Variants in POF1B observed in about 807,000 individuals in gnomAD.
The protein encoded by POF1B is POF1B actin binding protein, also known as protein POF1B.
Under a neutral mutation model 55.3 loss-of-function variants are expected in POF1B, and 53 were observed. The ratio of observed to expected loss-of-function variants is 0.96; its 90% CI spans 0.77 to 1.20. POF1B has a LOEUF of 1.20. Ranked by LOEUF, POF1B falls within the 50% of genes most tolerant of loss-of-function variation. The pLI is 0.00. For synonymous variants in POF1B, 188 were observed against 148.3 expected, an observed-to-expected ratio of 1.27 and a Z score of -1.95; for missense variants, 478 against 420.5, an observed-to-expected ratio of 1.14 and a Z score of -1.20.
At chrX:85,374,459 C>T (rs781553554) in intron 2 of POF1B, among the ~76,000 whole-genome samples, 9 of 112,188 alleles carry the variant, frequency 8.0e-5, no homozygotes, top group African/African-American at 1.9e-4. Flanking sequence ...ATATTACATA[C>T]GTAGTGCAGG....
chrX:85,298,576 C>T (rs1283679146), intron 15 of POF1B, among the ~76,000 whole-genome samples: 2 of 111,676 alleles, frequency 1.8e-5, no homozygotes, highest in Non-Finnish European at 3.8e-5. Context: ...AGTGTTTTCT[C>T]TCCAAAGATC....
intron 5 of POF1B, among the ~76,000 whole-genome samples, chrX:85,349,585 A>G (rs906406361): frequency 5.4e-5 from 6 of 110,992 alleles, no homozygotes; most frequent in Non-Finnish European, 1.1e-4. Context: ...AGAAACAAAC[A>G]TGCACAGAGG....
intron 7 of POF1B, among the ~76,000 whole-genome samples, chrX:85,326,489 G>A (rs1225780448): frequency 9.1e-6 from 1 of 110,231 alleles, no homozygotes; most frequent in African/African-American, 3.3e-5. Context: ...GCAAGTGCGG[G>A]GCGCTGGTGG....
At chrX:85,298,491 T>C (rs1262820180) in intron 15 of POF1B, among the ~76,000 whole-genome samples, 2 of 111,865 alleles carry the variant, frequency 1.8e-5, no homozygotes, top group African/African-American at 6.5e-5. Flanking sequence ...CTAATCCTGG[T>C]GCTTGGCACA....
At chrX:85,302,576 G>A (rs936027613) in intron 15 of POF1B, among the ~76,000 whole-genome samples, 1 of 111,043 alleles carries the variant, frequency 9.0e-6, no homozygotes, top group Non-Finnish European at 1.9e-5. Flanking sequence ...TCCACTCCTA[G>A]GTATATACTC....
intron 7 of POF1B, among the ~76,000 whole-genome samples, chrX:85,323,438 A>C (rs1932861541): frequency 1.0e-5 from 1 of 95,951 alleles, no homozygotes; most frequent in African/African-American, 3.9e-5. Context: ...CACTCTGGGG[A>C]CTGTTGTGGG....
chrX:85,315,282 G>A (rs1042315823), intron 8 of POF1B, among the ~76,000 whole-genome samples: 1 of 111,002 alleles, frequency 9.0e-6, no homozygotes, highest in Non-Finnish European at 1.9e-5. Context: ...GACTGGCATG[G>A]CACATATAAG....
intron 15 of POF1B, among the ~76,000 whole-genome samples, chrX:85,298,977 G>A (rs966266321): frequency 9.3e-6 from 1 of 107,934 alleles, no homozygotes; most frequent in Non-Finnish European, 1.9e-5. Flanking sequence ...CTCCAGAAAT[G>A]CTCTATGCCA....
chrX:85,308,220 C>A lies in POF1B; in HGVS notation c.958-4G>T. 9.0e-7 allele frequency: 1 copy of A among 1,113,765 alleles called. No homozygotes were observed. Among genetic ancestry groups the A allele is most frequent in the Non-Finnish European group, 1.2e-6 (1 of 830,940 alleles). The allele number at this position is 1,113,765 out of a possible 1,213,427, so 91.8% of individuals were successfully genotyped here. On this transcript the variant is annotated splice_polypyrimidine_tract_variant and splice_region_variant and intron_variant, in intron 9 of 16. Transcript: ENST00000262753. Reference sequence around the variant, plus strand: ...ACTTATCAGACATACCCCTCATCTGCAGGAAGAAAGGATTAATGGTTTAGT... The same window carrying A: ...ACTTATCAGACATACCCCTCATCTGAAGGAAGAAAGGATTAATGGTTTAGT...
intron 16 of POF1B, among the ~76,000 whole-genome samples, chrX:85,281,702 T>C (rs1167534393): frequency 9.4e-6 from 1 of 106,589 alleles, no homozygotes; most frequent in African/African-American, 3.5e-5. Context: ...GCTAGAAACA[T>C]CTCTTCTTTC....
chrX:85,350,915 TC>T (rs928833313), intron 5 of POF1B, among the ~76,000 whole-genome samples: 11 of 111,797 alleles, frequency 9.8e-5, no homozygotes, highest in Non-Finnish European at 1.5e-4. Flanking sequence ...GCTTTAGTTT[TC>T]TAGATCTTTT....
intron 2 of POF1B, among the ~76,000 whole-genome samples, chrX:85,373,267 G>A (rs1603084677): frequency 9.0e-6 from 1 of 111,535 alleles, no homozygotes. Flanking sequence ...TTAAACTCAG[G>A]GCATTCACTA....
intron 11 of POF1B, among the ~76,000 whole-genome samples, chrX:85,306,883 A>G (rs1217834715): frequency 8.9e-6 from 1 of 111,912 alleles, no homozygotes; most frequent in Non-Finnish European, 1.9e-5. Context: ...AAATAAATGC[A>G]TGAACCTAGA....
At chrX:85,311,725 A>T (rs1932703664) in intron 9 of POF1B, among the ~76,000 whole-genome samples, 1 of 111,960 alleles carries the variant, frequency 8.9e-6, no homozygotes, top group Admixed American at 9.5e-5. Context: ...TGCTGAGTCA[A>T]ATGGTATTTC....
Position 85,306,108 on chromosome X carries a change from A to T in POF1B, c.1317+73T>A, listed in dbSNP as rs1932567532. 6.8e-6 allele frequency: 7 copies of T among 1,029,382 alleles called. No individual in the cohort carries two copies. In the East Asian group the frequency reaches 1.8e-4, roughly 27 times the overall value. The allele number at this position is 1,029,382 out of a possible 1,213,427, so 84.8% of individuals were successfully genotyped here. A position where few individuals can be genotyped will look rare whatever the true frequency, so the allele number is the denominator to read the frequency against. On this transcript the variant is annotated intron_variant, in intron 12 of 16. Coordinates refer to ENST00000262753, the MANE Select transcript of POF1B (RefSeq NM_024921.4). Reference sequence around the variant, plus strand: ...CAGTATGTGAGGGAAAGCAGTCCATATGTTTTCTAAATGCTAGGATTACAA... The same window carrying T: ...CAGTATGTGAGGGAAAGCAGTCCATTTGTTTTCTAAATGCTAGGATTACAA...
At chrX:85,321,842 A>T (rs1045218143) in intron 7 of POF1B, among the ~76,000 whole-genome samples, 4 of 108,490 alleles carry the variant, frequency 3.7e-5, no homozygotes, top group Non-Finnish European at 7.6e-5. Flanking sequence ...TCCCATTCAC[A>T]ATTGCTTAAA....
intron 15 of POF1B, among the ~76,000 whole-genome samples, chrX:85,283,911 A>T (rs971417688): frequency 1.5e-4 from 17 of 111,167 alleles, no homozygotes; most frequent in Admixed American, 3.8e-4. Flanking sequence ...GTACTTTTTT[A>T]AAAAAAATGT....
At chrX:85,328,231 G>A (rs1256798724) in intron 7 of POF1B, among the ~76,000 whole-genome samples, 1 of 106,538 alleles carries the variant, frequency 9.4e-6, no homozygotes, top group African/African-American at 3.4e-5. Context: ...TTGAGATGGA[G>A]TCTGGCTCTG....
chrX:85,283,874 A>C (rs1931969333), intron 15 of POF1B, among the ~76,000 whole-genome samples: 1 of 111,679 alleles, frequency 9.0e-6, no homozygotes, highest in Non-Finnish European at 1.9e-5. Context: ...AATGAAAGTC[A>C]GAAGACAGAA....
Sources: gnomAD v4.1 joint callset for allele counts (sites outside exome capture counted in the v4.1 genomes callset) on GRCh38, gnomAD v4.1.1 for gene constraint, MANE v1.5 for transcripts, NCBI Gene and HGNC (gene_info 2026-07-23, HGNC 2026-07-21) for gene names.